The following RNF17 variants were observed in gnomAD, a reference collection of about 807,000 sequenced individuals.
The protein encoded by RNF17 is ring finger protein 17.
In RNF17, 31 loss-of-function variants were observed where a neutral mutation model predicts 200.5. The ratio of observed to expected loss-of-function variants is 0.15; its 90% CI spans 0.12 to 0.21. The LOEUF (loss-of-function observed/expected upper bound fraction) is 0.21. Among genes scored for constraint, RNF17 ranks in the 10% least tolerant of loss-of-function variants. The pLI is 1.00. For missense variants in RNF17, 1,628 were observed against 1,905.1 expected (o/e 0.85, Z 2.71); for synonymous variants, 606 against 637.8 (o/e 0.95, Z 0.75).
Position 24,853,866 on chromosome 13 carries a change from T to C in RNF17, c.3332T>C (p.Leu1111Ser). The change falls in exon 25 of 36, where the codon TTA becomes TCA. Residue 1111 changes from leucine (L) to serine (S), a missense_variant. Leu to Ser is a moderately radical substitution (Grantham distance 145). Coordinates refer to ENST00000255324, the MANE Select transcript of RNF17 (RefSeq NM_031277.3). Reference sequence around the variant, plus strand: ...TTTGGATGTTACAGAATTAATAACTTAGATAACAGCCATTCATTATCTGAG... The same window carrying C: ...TTTGGATGTTACAGAATTAATAACTCAGATAACAGCCATTCATTATCTGAG... ...LALRERRINNLDNSHSLSEKS... is the reference protein window; with the variant it reads ...LALRERRINNSDNSHSLSEKS... 6.2e-7 allele frequency: 1 copy of C among 1,601,820 alleles called. No homozygotes were observed. The highest frequency in any genetic ancestry group is 8.5e-7 in the Non-Finnish European group (1 of 1,174,980).
chr13:24,849,537 G>A (rs1366942482), intron 22 of RNF17, among the ~76,000 whole-genome samples: 3 of 152,202 alleles, frequency 2.0e-5, no homozygotes, highest in South Asian at 2.1e-4. Context: ...GCCCAGGGAA[G>A]CCAAAAGATT....
chr13:24,871,364 GTC>G (rs1359490686), intron 32 of RNF17, among the ~76,000 whole-genome samples: 8 of 152,174 alleles, frequency 5.3e-5, no homozygotes, highest in Admixed American at 1.3e-4. Flanking sequence ...TTGAGACAGA[GTC>G]TCGTTTTGTC....
At chr13:24,824,917 A>C (rs182186474) in intron 15 of RNF17, among the ~76,000 whole-genome samples, 105 of 152,306 alleles carry the variant, frequency 6.9e-4, no homozygotes, top group Admixed American at 1.4e-3. Flanking sequence ...TGAAAAAGCC[A>C]CCTATGACAC....
At chr13:24,881,841 T>C (rs561829897), downstream of RNF17, among the ~76,000 whole-genome samples, 2,614 of 138,952 alleles carry the variant, frequency 0.019, 443 homozygotes, top group African/African-American at 0.066. Context: ...TATATAGATA[T>C]ATAGATACAT....
At chr13:24,872,114 C>T (rs927957017) in intron 32 of RNF17, among the ~76,000 whole-genome samples, 1 of 151,656 alleles carries the variant, frequency 6.6e-6, no homozygotes, top group Non-Finnish European at 1.5e-5. Context: ...GCATGCATCA[C>T]CTCGCCTGTC....
At position 24,789,391 on chromosome 13, in the gene RNF17, A is replaced by G; in HGVS notation, c.827A>G (p.Gln276Arg). 6.2e-7 allele frequency: 1 copy of G among 1,606,096 alleles called. No individual in the cohort carries two copies. Among genetic ancestry groups the G allele is most frequent in the Non-Finnish European group, 8.5e-7 (1 of 1,174,056 alleles). ...LQLTSDSELA[Q>R]VSSPQLRNPP... ...TTAACTTCAGATAGTGAATTAGCAC[A>G]AGTTAGTTCTCCACAACTAAGGAAC... is the stretch of plus-strand genomic sequence containing the variant. Residue 276 changes from glutamine to arginine, a missense_variant, in exon 8 of 36, where the codon CAA becomes CGA. By Grantham distance (43) the Gln-to-Arg change is conservative (BLOSUM62 1). Around this residue, in one of 5 missense-constraint regions of RNF17, gnomAD observed 502 missense variants for 501.7 expected, o/e 1.00. Coordinates refer to ENST00000255324, the MANE Select transcript of RNF17 (RefSeq NM_031277.3).
intron 22 of RNF17, among the ~76,000 whole-genome samples, chr13:24,846,638 A>G (rs943805603): frequency 1.3e-5 from 2 of 152,142 alleles, no homozygotes; most frequent in African/African-American, 4.8e-5. Context: ...GCCACATTGG[A>G]AGAAGAATTA....
chr13:24,861,174 C>T (rs530972319), intron 26 of RNF17, 94 bp from the exon 27 acceptor site: 37 of 1,068,782 alleles, frequency 3.5e-5, no homozygotes, highest in Admixed American at 9.5e-5. Context: ...CCATCAAGCC[C>T]GGCCTGTCTT....
chr13:24,754,461 G>C, the RNF17 span, among the ~76,000 whole-genome samples: 1 of 152,064 alleles, frequency 6.6e-6, no homozygotes, highest in African/African-American at 2.4e-5. Flanking sequence ...TTTCTTTCAG[G>C]ACCTTCTGCT....
intron 6 of RNF17, 143 bp from the exon 7 acceptor site, chr13:24,787,845 C>T: frequency 5.9e-6 from 3 of 511,664 alleles, no homozygotes; most frequent in Non-Finnish European, 6.8e-6. Context: ...CTTTCAGATA[C>T]AGTTCAGTTA....
In RNF17 at chr13:24,804,314, A is replaced by T. The variant is rs1885596582; in HGVS notation, c.1976A>T (p.His659Leu). ...TTTAAGTCACAATCACTAAGAAGTC[A>T]CTTTGAAAAAAATACTACTTTACAC... Reference protein sequence around the residue: ...AKFKSQSLRSHFEKNTTLHYH... With the variant: ...AKFKSQSLRSLFEKNTTLHYH... Residue 659 changes from histidine to leucine, a missense_variant, in exon 15 of 36, where the codon CAC becomes CTC. Around this residue, in one of 5 missense-constraint regions of RNF17, gnomAD observed 289 missense variants for 384.9 expected, o/e 0.75. Transcript: ENST00000255324. 6.2e-7 allele frequency: 1 copy of T among 1,613,070 alleles called. No homozygotes were observed. The highest frequency in any genetic ancestry group is 1.3e-5 in the African/African-American group (1 of 74,916).
the RNF17 span, among the ~76,000 whole-genome samples, chr13:24,886,576 G>C: frequency 4.6e-5 from 7 of 152,222 alleles, no homozygotes; most frequent in Non-Finnish European, 8.8e-5. Flanking sequence ...GGAGTACACA[G>C]GGGTTTAGGC....
At chr13:24,750,884 G>A in the RNF17 span, 3 of 152,020 alleles carry the variant, frequency 2.0e-5, no homozygotes, top group South Asian at 6.3e-4. Context: ...AGATTTTCAT[G>A]TTGTAGTTGA....
At chr13:24,884,261 G>T, downstream of RNF17, 3 of 1,614,078 alleles carry the variant, frequency 1.9e-6, no homozygotes, top group Non-Finnish European at 2.5e-6. Context: ...AAGACACACA[G>T]TCAGTCTGCC....
chr13:24,784,635 A>G (rs930480076), intron 6 of RNF17, among the ~76,000 whole-genome samples: 1 of 152,176 alleles, frequency 6.6e-6, no homozygotes, highest in Non-Finnish European at 1.5e-5. Flanking sequence ...TGTTCATAAT[A>G]GCCTTTTAAT....
At chr13:24,834,965 G>A (rs1889809341) in intron 18 of RNF17, among the ~76,000 whole-genome samples, 1 of 152,236 alleles carries the variant, frequency 6.6e-6, no homozygotes. Context: ...CCTGGACACA[G>A]ACTTGGGGCT....
At chr13:24,796,811 T>G (rs1884633926) in intron 11 of RNF17, among the ~76,000 whole-genome samples, 1 of 152,210 alleles carries the variant, frequency 6.6e-6, no homozygotes, top group Non-Finnish European at 1.5e-5. Context: ...AGTATTTTTC[T>G]TATAACGTTG....
At chr13:24,809,048 A>G (rs1186761486) in intron 15 of RNF17, among the ~76,000 whole-genome samples, 9 of 152,048 alleles carry the variant, frequency 5.9e-5, no homozygotes, top group Admixed American at 5.9e-4. Context: ...TCGGTTTGCC[A>G]GTATTTTATT....
chr13:24,886,375 C>T, the RNF17 span: 1 of 1,289,068 alleles, frequency 7.8e-7, no homozygotes, highest in Non-Finnish European at 1.0e-6. Context: ...TGTGAGGCGG[C>T]TGTGCTGTGC....
Sources: allele counts gnomAD v4.1 joint callset (sites outside exome capture counted in the v4.1 genomes callset), GRCh38; gene constraint gnomAD v4.1.1; regional missense constraint gnomAD v4.1.1; transcripts MANE v1.5; gene names NCBI Gene and HGNC (gene_info 2026-07-23, HGNC 2026-07-21).